Variants in ANKS1B observed in about 807,000 individuals in gnomAD.
The protein encoded by ANKS1B is ankyrin repeat and sterile alpha motif domain-containing protein 1B.
ANKS1B carries 36 observed loss-of-function variants against 148.3 expected under a neutral mutation model. The observed-to-expected ratio is 0.24, with a 90% CI of 0.19 to 0.32. The LOEUF is 0.32. Among genes scored for constraint, ANKS1B ranks in the 10% least tolerant of loss-of-function variants. ANKS1B has a pLI of 1.00. For synonymous variants in ANKS1B, 542 were observed against 560.8 expected, an observed-to-expected ratio of 0.97 and a Z score of 0.47; for missense variants, 1,157 against 1,542.6, an observed-to-expected ratio of 0.75 and a Z score of 4.19.
intron 10 of ANKS1B, among the ~76,000 whole-genome samples, chr12:99,457,917 G>A (rs12305612): frequency 0.038 from 5,844 of 151,864 alleles, 394 homozygotes; most frequent in African/African-American, 0.13. Context: ...TGGACTAAAC[G>A]GATATTTACA....
At chr12:99,572,986 T>C (rs915302914) in intron 9 of ANKS1B, among the ~76,000 whole-genome samples, 3 of 152,090 alleles carry the variant, frequency 2.0e-5, no homozygotes, top group Middle Eastern at 3.2e-3. Flanking sequence ...TATTATCATC[T>C]CCATTTTATG....
chr12:99,024,036 G>C (rs1249936389), intron 17 of ANKS1B, among the ~76,000 whole-genome samples: 1 of 151,500 alleles, frequency 6.6e-6, no homozygotes. Flanking sequence ...GCCGAGAATT[G>C]AGGTAATCAT....
At chr12:99,265,298 T>C (rs1207980103) in intron 12 of ANKS1B, among the ~76,000 whole-genome samples, 2 of 152,070 alleles carry the variant, frequency 1.3e-5, no homozygotes, top group African/African-American at 4.8e-5. Context: ...ACCTATACTT[T>C]TACAAACTGT....
intron 17 of ANKS1B, among the ~76,000 whole-genome samples, chr12:99,045,674 T>C (rs941342858): frequency 2.0e-5 from 3 of 152,212 alleles, no homozygotes; most frequent in African/African-American, 4.8e-5. Context: ...ATCTTTCCAA[T>C]GGACACAACT....
At chr12:98,822,293 G>GA in intron 19 of ANKS1B, among the ~76,000 whole-genome samples, 1 of 151,912 alleles carries the variant, frequency 6.6e-6, no homozygotes, top group Non-Finnish European at 1.5e-5. Context: ...TTTACCACTG[G>GA]AAAAAGAAAG....
intron 16 of ANKS1B, among the ~76,000 whole-genome samples, chr12:99,078,667 T>C (rs1418095636): frequency 1.3e-5 from 2 of 152,148 alleles, no homozygotes; most frequent in Non-Finnish European, 2.9e-5. Context: ...CCATTTTAAC[T>C]ACAAATGTGG....
chr12:99,780,114 C>A (rs182595417), intron 5 of ANKS1B, 142 bp from the exon 6 acceptor site: 2 of 624,470 alleles, frequency 3.2e-6, no homozygotes, highest in South Asian at 1.8e-5. Context: ...TCTACACACA[C>A]ACATACACAC....
chr12:98,860,315 C>T (rs2152124672), intron 17 of ANKS1B, among the ~76,000 whole-genome samples: 1 of 152,300 alleles, frequency 6.6e-6, no homozygotes. Flanking sequence ...CAAACTGGGG[C>T]CTCTGAATTT....
chr12:99,925,093 G>A (rs188030094), intron 1 of ANKS1B, among the ~76,000 whole-genome samples: 1 of 152,182 alleles, frequency 6.6e-6, no homozygotes, highest in East Asian at 1.9e-4. Flanking sequence ...GGTGGCTGGG[G>A]GCTGGCTTAC....
intron 8 of ANKS1B, among the ~76,000 whole-genome samples, chr12:99,754,483 A>C (rs1481946167): frequency 6.6e-6 from 1 of 152,178 alleles, no homozygotes; most frequent in African/African-American, 2.4e-5. Flanking sequence ...TCAGGACCTG[A>C]ACTCAGCAAT....
At chr12:99,467,259 T>C (rs192213433) in intron 10 of ANKS1B, among the ~76,000 whole-genome samples, 1,836 of 152,228 alleles carry the variant, frequency 0.012, 49 homozygotes, top group African/African-American at 0.042. Context: ...CTAAAAACTC[T>C]CAATAAATTA....
intron 12 of ANKS1B, among the ~76,000 whole-genome samples, chr12:99,371,479 C>T (rs116501598): frequency 0.017 from 2,577 of 152,046 alleles, 76 homozygotes; most frequent in African/African-American, 0.059. Flanking sequence ...GAATTAGTTG[C>T]TAATCTATTT....
intron 17 of ANKS1B, among the ~76,000 whole-genome samples, chr12:98,956,858 C>A (rs1403505): frequency 5.9e-5 from 9 of 151,926 alleles, no homozygotes; most frequent in African/African-American, 1.9e-4. Flanking sequence ...AACCCCCTGC[C>A]TTGAATTTAC....
intron 9 of ANKS1B, among the ~76,000 whole-genome samples, chr12:99,597,370 A>G (rs2153275577): frequency 6.6e-6 from 1 of 152,096 alleles, no homozygotes; most frequent in East Asian, 1.9e-4. Context: ...TCCCTTATGA[A>G]TGAAGAATTT....
At chr12:99,889,140 A>G (rs1000434560) in intron 1 of ANKS1B, among the ~76,000 whole-genome samples, 2 of 152,134 alleles carry the variant, frequency 1.3e-5, no homozygotes, top group African/African-American at 4.8e-5. Flanking sequence ...CAGCCACATA[A>G]TCATATTCAC....
intron 1 of ANKS1B, among the ~76,000 whole-genome samples, chr12:99,863,710 G>A (rs1395478627): frequency 1.5e-4 from 22 of 148,094 alleles, no homozygotes; most frequent in South Asian, 4.3e-4. Flanking sequence ...GCAAGACACC[G>A]TCTCAAAAAA....
intron 25 of ANKS1B, among the ~76,000 whole-genome samples, chr12:98,769,256 G>A (rs1443130305): frequency 1.4e-5 from 2 of 141,142 alleles, no homozygotes; most frequent in Non-Finnish European, 3.0e-5. Flanking sequence ...TTCAAGACTG[G>A]ACTGGTATTG....
chr12:99,869,482 T>G (rs1356561555), intron 1 of ANKS1B, among the ~76,000 whole-genome samples: 1 of 152,078 alleles, frequency 6.6e-6, no homozygotes, highest in Non-Finnish European at 1.5e-5. Flanking sequence ...GAGACCAGCC[T>G]GACCAACATG....
chr12:99,246,150 C>A, intron 13 of ANKS1B, 125 bp downstream of exon 13: 1 of 684,358 alleles, frequency 1.5e-6, no homozygotes, highest in Non-Finnish European at 2.3e-6. Context: ...CATTTCATTC[C>A]AGTTGGAGCC....
Sources: gnomAD v4.1 joint callset for allele counts (sites outside exome capture counted in the v4.1 genomes callset) on GRCh38, gnomAD v4.1.1 for gene constraint, MANE v1.5 for transcripts, NCBI Gene and HGNC (gene_info 2026-07-23, HGNC 2026-07-21) for gene names.